Variants in ANKRD13B observed in about 807,000 individuals in gnomAD.
ANKRD13B encodes the protein ankyrin repeat domain 13B, also known as ankyrin repeat domain-containing protein 13B.
In ANKRD13B, 33 loss-of-function variants were observed where a neutral mutation model predicts 74.4. The observed-to-expected ratio is 0.44, with a 90% CI of 0.34 to 0.59. ANKRD13B has a LOEUF of 0.59. Ranked by LOEUF, ANKRD13B falls within the 20% of genes least tolerant of loss-of-function variation. The probability of loss-of-function intolerance (pLI) is 0.02; values close to 1 mark genes in which losing one functional copy is unlikely to be tolerated. For missense variants in ANKRD13B, 676 were observed against 877.9 expected, an observed-to-expected ratio of 0.77 and a Z score of 2.91; for synonymous variants, 341 against 362.9, an observed-to-expected ratio of 0.94 and a Z score of 0.68.
chr17:29,606,757 A>T (rs984269342), intron 1 of ANKRD13B, among the ~76,000 whole-genome samples: 1 of 110,376 alleles, frequency 9.1e-6, no homozygotes, highest in African/African-American at 4.0e-5. Flanking sequence ...AAAAAAAAAA[A>T]AAATCTTTTG....
rs1317612272 is a variant in ANKRD13B, at chr17:29,611,730, T to C, written c.969+87T>C. On this transcript the variant is annotated intron_variant, in intron 9 of 14. Transcript: ENST00000394859. The surrounding 1 kb of genome is among the most constrained non-coding windows in gnomAD (Gnocchi z 4.3). Reference sequence around the variant, plus strand: ...GGGAAGCGTCCTGCTTAGCATGGCCTATGTGGACCTCCTTTCCACAATGCC... The same window carrying C: ...GGGAAGCGTCCTGCTTAGCATGGCCCATGTGGACCTCCTTTCCACAATGCC... The C allele has an allele frequency of 6.3e-7, 1 of 1,577,220 alleles. No individual in the cohort carries two copies. The highest frequency in any genetic ancestry group is 8.7e-7 in the Non-Finnish European group (1 of 1,148,528).
In ANKRD13B at chr17:29,608,997, C is replaced by G. The variant is rs751850436; in HGVS notation, c.565+3C>G. 2.5e-6 allele frequency: 4 copies of G among 1,613,964 alleles called. No homozygotes were observed. In the African/African-American group the frequency reaches 5.3e-5, roughly 22 times the overall value. On this transcript the variant is annotated splice_donor_region_variant and intron_variant, in intron 5 of 14. Transcript: ENST00000394859. This position sits in a 1 kb window ranked among gnomAD's most constrained non-coding sequence, Gnocchi z 6.4. ...CAGCTTTGTCTTCAGGGGCCAAGGTCAGGCAGGCAGGAAGTGGGGCAGGGT... is the reference window on the plus strand; with the variant it reads ...CAGCTTTGTCTTCAGGGGCCAAGGTGAGGCAGGCAGGAAGTGGGGCAGGGT...
Position 29,608,626 on chromosome 17 carries a change from A to G in ANKRD13B, c.422-225A>G. 1.6e-6 allele frequency: 1 copy of G among 606,754 alleles called. No individual in the cohort carries two copies. The highest frequency in any genetic ancestry group is 2.8e-5 in the East Asian group (1 of 35,560). The allele number at this position is 606,754 out of a possible 1,614,324, so 37.6% of individuals were successfully genotyped here. On this transcript the variant is annotated intron_variant, in intron 4 of 14. Transcript: ENST00000394859. The surrounding 1 kb of genome is among the most constrained non-coding windows in gnomAD (Gnocchi z 6.4). ...AGTGAATTAACAAATGATGGACACT[A>G]GGGACTTAGTGGTGACAGAAACATG...
In ANKRD13B at chr17:29,608,329, TC is replaced by T. The variant is rs1156456249; in HGVS notation, c.421+91del. On this transcript the variant is annotated intron_variant, in intron 4 of 14. Transcript: ENST00000394859. This position sits in a 1 kb window ranked among gnomAD's most constrained non-coding sequence, Gnocchi z 6.4. ...GCCTGGAATGTGTTCTCATAGTTCT[TC>T]CGGCGGTTCCCTCTATGCCTTAGCT... 3.2e-6 allele frequency: 5 copies of T among 1,551,496 alleles called. No homozygotes were observed. In the Admixed American group the frequency reaches 7.2e-5, roughly 22 times the overall value.
In ANKRD13B at chr17:29,608,304, G is replaced by A. The variant is rs2034460586; in HGVS notation, c.421+64G>A. On this transcript the variant is annotated intron_variant, in intron 4 of 14. Coordinates refer to ENST00000394859, the MANE Select transcript of ANKRD13B (RefSeq NM_152345.5). The surrounding 1 kb of genome is among the most constrained non-coding windows in gnomAD (Gnocchi z 6.4). Reference sequence around the variant, plus strand: ...CTTTAGGTCCTGCGCTTGCTCCCCTGCCTGGAATGTGTTCTCATAGTTCTT... The same window carrying A: ...CTTTAGGTCCTGCGCTTGCTCCCCTACCTGGAATGTGTTCTCATAGTTCTT... 2.5e-6 allele frequency: 4 copies of A among 1,602,262 alleles called. No individual in the cohort carries two copies. The highest frequency in any genetic ancestry group is 1.3e-5 in the African/African-American group (1 of 74,736).
At chr17:29,599,865 G>GTTGTTTTT (rs2034090930) in intron 1 of ANKRD13B, among the ~76,000 whole-genome samples, 1 of 50,772 alleles carries the variant, frequency 2.0e-5, no homozygotes, top group African/African-American at 7.4e-5. Flanking sequence ...CATCTAATTT[G>GTTGTTTTT]TTTTTTTTTT....
chr17:29,610,837 C>T (rs999439684), intron 8 of ANKRD13B, 71 bp downstream of exon 8: 9 of 1,442,408 alleles, frequency 6.2e-6, no homozygotes, highest in African/African-American at 4.2e-5. Context: ...TCAGTGCTTC[C>T]ATCAGTATTC....
chr17:29,613,070 T>C (rs1210075786), intron 14 of ANKRD13B, 107 bp downstream of exon 14: 4 of 1,425,476 alleles, frequency 2.8e-6, no homozygotes, highest in South Asian at 1.2e-5. Context: ...ACCCTCCTGG[T>C]ATCGGGATGG....
rs1199155266 is a variant in ANKRD13B at position 29,593,681 on chromosome 17, C to T, written c.60C>T (p.Tyr20=). 2.1e-6 allele frequency: 3 copies of T among 1,445,896 alleles called. No homozygotes were observed. The highest frequency in any genetic ancestry group is 2.7e-6 in the Non-Finnish European group (3 of 1,091,100). The allele number at this position is 1,445,896 out of a possible 1,614,324, so 89.6% of individuals were successfully genotyped here. Residue 20 remains tyrosine, a synonymous_variant, in exon 1 of 15, where the codon TAC becomes TAT. Coordinates refer to ENST00000394859, the MANE Select transcript of ANKRD13B (RefSeq NM_152345.5). ...CCGAGGGCAAGTATCCGCTGCACTA[C>T]CTCGTGTGGCACAACCGCCACCGCG... is the stretch of plus-strand genomic sequence containing the variant. ...KGPEGKYPLH[Y]LVWHNRHREL...
In ANKRD13B at chr17:29,609,536, G is replaced by T. The variant is rs1021471982; in HGVS notation, c.822+115G>T. ...GGAGGTACAGAAGCAATGCAGCGTG[G>T]TCAAGCACTTATATTTGGGTTCAAG... On this transcript the variant is annotated intron_variant, in intron 7 of 14. Transcript: ENST00000394859. The surrounding 1 kb of genome is among the most constrained non-coding windows in gnomAD (Gnocchi z 4.0). 3 of 1,261,752 alleles carry T rather than the reference G, an allele frequency of 2.4e-6. No individual in the cohort carries two copies. The highest frequency in any genetic ancestry group is 3.3e-6 in the Non-Finnish European group (3 of 902,510). The allele number at this position is 1,261,752 out of a possible 1,614,324, so 78.2% of individuals were successfully genotyped here.
At position 29,611,755 on chromosome 17, in the gene ANKRD13B, C is replaced by T. The variant is rs2034587082; in HGVS notation, c.969+112C>T. On this transcript the variant is annotated intron_variant, in intron 9 of 14. Transcript: ENST00000394859. The surrounding 1 kb of genome is among the most constrained non-coding windows in gnomAD (Gnocchi z 4.3). The stretch of plus-strand genomic sequence containing the variant: ...TATGTGGACCTCCTTTCCACAATGC[C>T]CAAGGCCATGTCAGCGCCACACTGG... 1 of 1,575,426 alleles carries T rather than the reference C, an allele frequency of 6.3e-7. No individual in the cohort carries two copies. Among genetic ancestry groups the T allele is most frequent in the Admixed American group, 1.7e-5 (1 of 58,362 alleles).
chr17:29,608,549 T>C lies in ANKRD13B; in HGVS notation c.422-302T>C. 1 of 573,036 alleles carries C rather than the reference T, an allele frequency of 1.7e-6. No homozygotes were observed. Among genetic ancestry groups the C allele is most frequent in the Non-Finnish European group, 3.1e-6 (1 of 324,964 alleles). The allele number at this position is 573,036 out of a possible 1,614,324, so 35.5% of individuals were successfully genotyped here. A position where few individuals can be genotyped will look rare whatever the true frequency, so the allele number is the denominator to read the frequency against. On this transcript the variant is annotated intron_variant, in intron 4 of 14. Transcript: ENST00000394859. The surrounding 1 kb of genome is among the most constrained non-coding windows in gnomAD (Gnocchi z 6.4). ...GTTGTATTCCCAGTGGCTGGAACAC[T>C]CAGTAGGTGTTTCATAAATATTTGT...
chr17:29,610,698 C>T lies in ANKRD13B; in HGVS notation c.836C>T (p.Ser279Phe). 6.2e-7 allele frequency: 1 copy of T among 1,613,988 alleles called. No individual in the cohort carries two copies. The highest frequency in any genetic ancestry group is 8.5e-7 in the Non-Finnish European group (1 of 1,179,908). Residue 279 changes from serine (S) to phenylalanine (F), a missense_variant, in exon 8 of 15, where the codon TCT becomes TTT. Coordinates refer to ENST00000394859, the MANE Select transcript of ANKRD13B (RefSeq NM_152345.5). ...ATCTGTCCCCAGGTGTATGGGGCAT[C>T]TAACGTGGAGCTCATCACCCGCACA... ...NGYEAKVYGASNVELITRTRT... is the reference protein window; with the variant it reads ...NGYEAKVYGAFNVELITRTRT...
At chr17:29,607,557 G>A (rs1289129265) in intron 1 of ANKRD13B, among the ~76,000 whole-genome samples, 185 bp from the exon 2 acceptor site, 3 of 152,176 alleles carry the variant, frequency 2.0e-5, no homozygotes, top group Non-Finnish European at 2.9e-5. Context: ...CTGTCTTTCC[G>A]TTGCTCATAG....
intron 1 of ANKRD13B, among the ~76,000 whole-genome samples, chr17:29,594,779 G>A (rs2033894853): frequency 6.6e-6 from 1 of 152,200 alleles, no homozygotes; most frequent in Admixed American, 6.5e-5. Flanking sequence ...GCAGTTGCCC[G>A]CTGTGGGAAT....
At position 29,612,712 on chromosome 17, in the gene ANKRD13B, T is replaced by C. The variant is rs1742268825; in HGVS notation, c.1472T>C (p.Met491Thr). The change falls in exon 13 of 15, where the codon ATG becomes ACG. Residue 491 changes from methionine to threonine, a missense_variant. Around this residue, in one of 4 missense-constraint regions of ANKRD13B, gnomAD observed 152 missense variants for 181.4 expected, o/e 0.84. Coordinates refer to ENST00000394859, the MANE Select transcript of ANKRD13B (RefSeq NM_152345.5). The surrounding 1 kb of genome is among the most constrained non-coding windows in gnomAD (Gnocchi z 6.1). ...TTCGAGGCCCCGCGCGGCTACAGCA[T>C]GATGGGCGGCCAGCGGGAGGCGGCG... is the stretch of plus-strand genomic sequence containing the variant. ...ALFEAPRGYS[M>T]MGGQREAATR... 1 of 1,599,732 alleles carries C rather than the reference T, an allele frequency of 6.3e-7. No homozygotes were observed. Among genetic ancestry groups the C allele is most frequent in the South Asian group, 1.1e-5 (1 of 90,378 alleles).
intron 1 of ANKRD13B, among the ~76,000 whole-genome samples, chr17:29,599,145 A>G (rs1212979793): frequency 6.6e-6 from 1 of 152,058 alleles, no homozygotes; most frequent in African/African-American, 2.4e-5. Context: ...CAGCAGCCTG[A>G]GTGAAGGGAG....
At chr17:29,599,691 G>A (rs1296961828) in intron 1 of ANKRD13B, among the ~76,000 whole-genome samples, 1 of 152,066 alleles carries the variant, frequency 6.6e-6, no homozygotes, top group African/African-American at 2.4e-5. Flanking sequence ...GAATGAAGAA[G>A]GCAAGAGAAA....
In ANKRD13B at chr17:29,609,540, A is replaced by G; in HGVS notation, c.822+119A>G. On this transcript the variant is annotated intron_variant, in intron 7 of 14. Transcript: ENST00000394859. This position sits in a 1 kb window ranked among gnomAD's most constrained non-coding sequence, Gnocchi z 4.0. Reference sequence around the variant, plus strand: ...GTACAGAAGCAATGCAGCGTGGTCAAGCACTTATATTTGGGTTCAAGGCAC... The same window carrying G: ...GTACAGAAGCAATGCAGCGTGGTCAGGCACTTATATTTGGGTTCAAGGCAC... 3 of 1,234,374 alleles carry G rather than the reference A, an allele frequency of 2.4e-6. No individual in the cohort carries two copies. The highest frequency in any genetic ancestry group is 2.3e-4 in the Middle Eastern group (1 of 4,342). The allele number at this position is 1,234,374 out of a possible 1,614,324, so 76.5% of individuals were successfully genotyped here. A position where few individuals can be genotyped will look rare whatever the true frequency, so the allele number is the denominator to read the frequency against.
Sources: allele counts gnomAD v4.1 joint callset (sites outside exome capture counted in the v4.1 genomes callset), GRCh38; gene constraint gnomAD v4.1.1; regional missense constraint gnomAD v4.1.1; non-coding constraint Gnocchi (gnomAD v3.1); transcripts MANE v1.5; gene names NCBI Gene and HGNC (gene_info 2026-07-23, HGNC 2026-07-21).